The following NRXN3 variants were observed in gnomAD, a reference collection of about 807,000 sequenced individuals.
NRXN3 encodes neurexin 3.
A neutral mutation model predicts 137.6 loss-of-function variants in NRXN3; 32 were observed. The ratio of observed to expected loss-of-function variants is 0.23; its 90% confidence interval spans 0.18 to 0.31. The LOEUF is 0.31. Among genes scored for constraint, NRXN3 ranks in the 10% least tolerant of loss-of-function variants. The pLI, the probability that NRXN3 is intolerant of heterozygous loss-of-function variation, is 1.00. For synonymous variants in NRXN3, 798 were observed against 784.5 expected (o/e 1.02, Z -0.29); for missense variants, 1,574 against 2,062.5 (o/e 0.76, Z 4.59).
intron 4 of NRXN3, among the ~76,000 whole-genome samples, chr14:78,323,685 C>T (rs2079686274): frequency 6.6e-6 from 1 of 152,024 alleles, no homozygotes; most frequent in Admixed American, 6.5e-5. Flanking sequence ...CCTGTAGGCC[C>T]TCCCATCTGT....
intron 15 of NRXN3, among the ~76,000 whole-genome samples, chr14:79,445,759 G>T (rs35086482): frequency 0.27 from 41,736 of 152,108 alleles, 6,356 homozygotes; most frequent in South Asian, 0.42. Context: ...TGCTTGTAGT[G>T]CAGTGAGCAA....
In NRXN3 at chr14:79,845,887, ATG is replaced by A. The variant is rs1164176315; in HGVS notation, c.4094-15454_4094-15453del. Among the ~76,000 whole-genome samples, 51 of 74,962 alleles carry A rather than the reference ATG, an allele frequency of 6.8e-4. 1 individual carries two copies. The highest frequency in any genetic ancestry group is 6.0e-3 in the Middle Eastern group (1 of 168). The allele number at this position is 74,962 out of a possible 152,430, so 49.2% of individuals were successfully genotyped here. ...GAGAGAGAGATGGAGAGAGAGAGAG[ATG>A]GAGAGAAAGACAGAGAGAGAGACGG... On this transcript the variant is annotated intron_variant, in intron 20 of 20. Coordinates refer to ENST00000335750, the MANE Select transcript of NRXN3 (RefSeq NM_001330195.2).
intron 15 of NRXN3, among the ~76,000 whole-genome samples, chr14:79,180,480 T>A (rs1349205160): frequency 1.3e-5 from 2 of 152,240 alleles, no homozygotes; most frequent in African/African-American, 2.4e-5. Context: ...GTAGTTTCAC[T>A]GGTACTAGAA....
intron 4 of NRXN3, among the ~76,000 whole-genome samples, chr14:78,547,016 C>T (rs142662622): frequency 5.9e-5 from 9 of 152,306 alleles, no homozygotes; most frequent in Admixed American, 2.6e-4. Context: ...AAAAGCCACT[C>T]TTTTCCCACT....
chr14:79,458,987 G>A (rs1394118177), intron 15 of NRXN3, among the ~76,000 whole-genome samples: 1 of 151,988 alleles, frequency 6.6e-6, no homozygotes, highest in Non-Finnish European at 1.5e-5. Flanking sequence ...TTTTTGTTTT[G>A]TTTTTAATTT....
intron 19 of NRXN3, among the ~76,000 whole-genome samples, chr14:79,784,977 CAG>C (rs1424224824): frequency 1.3e-5 from 2 of 152,114 alleles, no homozygotes; most frequent in Admixed American, 6.6e-5. Context: ...AATTTCAAAA[CAG>C]AGAGCAGAAT....
chr14:78,938,905 C>A (rs2099347469), intron 10 of NRXN3, among the ~76,000 whole-genome samples: 1 of 145,112 alleles, frequency 6.9e-6, no homozygotes, highest in Non-Finnish European at 1.5e-5. Flanking sequence ...AGTGCAGTGG[C>A]GCAATCTCGG....
chr14:78,963,360 T>C (rs1479979276), intron 11 of NRXN3, among the ~76,000 whole-genome samples: 1 of 152,130 alleles, frequency 6.6e-6, no homozygotes, highest in African/African-American at 2.4e-5. Flanking sequence ...TCATCTTAGA[T>C]TTTTTCTTTG....
chr14:78,937,338 C>T (rs1376667466), intron 10 of NRXN3, among the ~76,000 whole-genome samples: 1 of 152,138 alleles, frequency 6.6e-6, no homozygotes, highest in Non-Finnish European at 1.5e-5. Flanking sequence ...AATGTACATA[C>T]CCCACCTTTG....
At chr14:78,473,976 A>G (rs565412363) in intron 4 of NRXN3, among the ~76,000 whole-genome samples, 1 of 152,282 alleles carries the variant, frequency 6.6e-6, no homozygotes, top group South Asian at 2.1e-4. Flanking sequence ...TCATTTCCTC[A>G]ATGTCCTGTT....
chr14:78,514,557 T>C (rs192140664), intron 4 of NRXN3, among the ~76,000 whole-genome samples: 1 of 152,192 alleles, frequency 6.6e-6, no homozygotes, highest in Non-Finnish European at 1.5e-5. Flanking sequence ...CATTCAATCA[T>C]TGAGTTCAAC....
rs533814644 is a variant in NRXN3 at position 78,976,841 on chromosome 14, G to A, written c.3142+8495G>A. Among the ~76,000 whole-genome samples, 66 of 152,142 alleles carry A rather than the reference G, an allele frequency of 4.3e-4. 1 individual carries two copies. The highest frequency in any genetic ancestry group is 2.6e-4 in the Admixed American group (4 of 15,254). ...TCAACTGTACACCCAACTTAAGTGGGAGGAGGAAACCTGATTATTGTCCTT... is the reference window on the plus strand; with the variant it reads ...TCAACTGTACACCCAACTTAAGTGGAAGGAGGAAACCTGATTATTGTCCTT... On this transcript the variant is annotated intron_variant, in intron 14 of 20. Coordinates refer to ENST00000335750, the MANE Select transcript of NRXN3 (RefSeq NM_001330195.2).
Position 79,512,991 on chromosome 14 carries a change from T to C in NRXN3, c.3444+45589T>C, listed in dbSNP as rs189158938. Among the ~76,000 whole-genome samples, 71 of 152,324 alleles carry C rather than the reference T, an allele frequency of 4.7e-4. No homozygotes were observed. The East Asian group carries it at 7.7e-3, about 17-fold the overall frequency. Reference sequence around the variant, plus strand: ...AGCCAAAGGAAGAGGAATGTTAATATGTAAGAATTTGCAGATAGATTATTA... The same window carrying C: ...AGCCAAAGGAAGAGGAATGTTAATACGTAAGAATTTGCAGATAGATTATTA... On this transcript the variant is annotated intron_variant, in intron 16 of 20. Transcript: ENST00000335750.
At chr14:79,524,085 G>A (rs1014267780) in intron 16 of NRXN3, among the ~76,000 whole-genome samples, 2 of 152,148 alleles carry the variant, frequency 1.3e-5, no homozygotes, top group African/African-American at 4.8e-5. Flanking sequence ...ACTATCTTGC[G>A]GAGGAGAGGT....
intron 4 of NRXN3, among the ~76,000 whole-genome samples, chr14:78,515,398 T>C (rs1042796276): frequency 6.6e-6 from 1 of 152,060 alleles, no homozygotes; most frequent in African/African-American, 2.4e-5. Flanking sequence ...GGCTTATTTG[T>C]TTTGGGCAGA....
chr14:79,006,334 A>G (rs1024501105), intron 15 of NRXN3, among the ~76,000 whole-genome samples: 4 of 139,526 alleles, frequency 2.9e-5, no homozygotes, highest in Non-Finnish European at 6.0e-5. Flanking sequence ...GGCAAAAAAC[A>G]AACAAACAAA....
chr14:78,880,648 C>T (rs980582710), intron 10 of NRXN3, among the ~76,000 whole-genome samples: 3 of 152,026 alleles, frequency 2.0e-5, no homozygotes, highest in African/African-American at 7.3e-5. Context: ...TGAAGAGTAT[C>T]AGAGTATCAA....
chr14:79,321,641 T>C (rs1566793237), intron 15 of NRXN3, among the ~76,000 whole-genome samples: 1 of 151,788 alleles, frequency 6.6e-6, no homozygotes, highest in African/African-American at 2.4e-5. Flanking sequence ...AAATTATACA[T>C]ACACATATAT....
chr14:78,192,734 G>A (rs1387092779), intron 1 of NRXN3, among the ~76,000 whole-genome samples: 1 of 152,198 alleles, frequency 6.6e-6, no homozygotes, highest in Non-Finnish European at 1.5e-5. Flanking sequence ...AGAGGGTGGT[G>A]TGGCTCCAGA....
Sources: gnomAD v4.1 joint callset for allele counts (sites outside exome capture counted in the v4.1 genomes callset) on GRCh38, gnomAD v4.1.1 for gene constraint, MANE v1.5 for transcripts, NCBI Gene and HGNC (gene_info 2026-07-23, HGNC 2026-07-21) for gene names.